AGAP1: variants seen among roughly 807,000 people sequenced by gnomAD.
AGAP1 encodes the protein ArfGAP with GTPase domain, ankyrin repeat and PH domain 1.
A neutral mutation model predicts 105.3 loss-of-function variants in AGAP1; 29 were observed. The observed-to-expected ratio is 0.28, with a 90% CI of 0.21 to 0.38. The LOEUF (loss-of-function observed/expected upper bound fraction) is 0.38. Ranked by LOEUF, AGAP1 falls within the 10% of genes least tolerant of loss-of-function variation. The pLI is 1.00. For missense variants in AGAP1, 998 were observed against 1,165.1 expected (o/e 0.86, Z 2.09); for synonymous variants, 509 against 485.9 (o/e 1.05, Z -0.63).
At position 235,739,989 on chromosome 2, in the gene AGAP1, G is replaced by A. The variant is rs1034762698; in HGVS notation, c.311-974G>A. 1.3e-5 allele frequency among the ~76,000 whole-genome samples: 2 copies of A among 152,224 alleles called. No individual in the cohort carries two copies. Among genetic ancestry groups the A allele is most frequent in the African/African-American group, 4.8e-5 (2 of 41,452 alleles). Reference sequence around the variant, plus strand: ...GTTTCTGGACGGCATCTGCACAGAGGAGCGGAAGACAAGAGCTGGGAACCG... The same window carrying A: ...GTTTCTGGACGGCATCTGCACAGAGAAGCGGAAGACAAGAGCTGGGAACCG... On this transcript the variant is annotated intron_variant, in intron 3 of 17. Transcript: ENST00000304032. The surrounding 1 kb of genome is among the most constrained non-coding windows in gnomAD (Gnocchi z 5.3).
chr2:235,821,340 G>A (rs929641390), intron 9 of AGAP1, among the ~76,000 whole-genome samples: 3 of 151,622 alleles, frequency 2.0e-5, no homozygotes, highest in South Asian at 4.2e-4. Context: ...GAATAGGAAC[G>A]CAGTAACAAG....
chr2:236,060,675 G>A (rs983001234), intron 16 of AGAP1, among the ~76,000 whole-genome samples: 11 of 151,906 alleles, frequency 7.2e-5, no homozygotes, highest in East Asian at 1.9e-4. Context: ...AGCCTGGGCC[G>A]CAGAGTGAGA....
chr2:236,055,548 C>T lies in AGAP1; in HGVS notation c.2114+6267C>T, dbSNP rs903081554. On this transcript the variant is annotated intron_variant, in intron 16 of 17. Coordinates refer to ENST00000304032, the MANE Select transcript of AGAP1 (RefSeq NM_001037131.3). This position sits in a 1 kb window ranked among gnomAD's most constrained non-coding sequence, Gnocchi z 6.2. Reference sequence around the variant, plus strand: ...TCAAAGTGAATTTCTGTCACCGCGGCGTGCTTGTCAGTGGGCCTGCCCTGG... The same window carrying T: ...TCAAAGTGAATTTCTGTCACCGCGGTGTGCTTGTCAGTGGGCCTGCCCTGG... Among the ~76,000 whole-genome samples the T allele has an allele frequency of 2.0e-5, 3 of 152,232 alleles. No homozygotes were observed. Among genetic ancestry groups the T allele is most frequent in the African/African-American group, 4.8e-5 (2 of 41,464 alleles).
rs1491426150 is a variant in AGAP1, at chr2:235,968,421, CAT to C, written c.1484-40_1484-39del. The stretch of plus-strand genomic sequence containing the variant: ...TTCTGCTTTGTAAGTGCTCACTCTG[CAT>C]TTTTTTTTTTTTTTTTGCCTTTTCC... On this transcript the variant is annotated intron_variant, in intron 12 of 17. Coordinates refer to ENST00000304032, the MANE Select transcript of AGAP1 (RefSeq NM_001037131.3). 72 of 1,345,226 alleles carry C rather than the reference CAT, an allele frequency of 5.4e-5. No individual in the cohort carries two copies. The African/African-American group carries it at 8.8e-4, about 16-fold the overall frequency. The allele number at this position is 1,345,226 out of a possible 1,614,324, so 83.3% of individuals were successfully genotyped here.
intron 1 of AGAP1, among the ~76,000 whole-genome samples, chr2:235,495,438 C>T (rs1435143297): frequency 1.3e-5 from 2 of 152,228 alleles, no homozygotes; most frequent in Non-Finnish European, 2.9e-5. Context: ...CGGTAGTGTG[C>T]TTTGTACCAA....
chr2:235,621,196 A>G lies in AGAP1; in HGVS notation c.164-87983A>G, dbSNP rs536214604. 1.3e-5 allele frequency among the ~76,000 whole-genome samples: 2 copies of G among 152,036 alleles called. No individual in the cohort carries two copies. Among genetic ancestry groups the G allele is most frequent in the East Asian group, 3.9e-4 (2 of 5,150 alleles). On this transcript the variant is annotated intron_variant, in intron 1 of 17. Transcript: ENST00000304032. The surrounding 1 kb of genome is among the most constrained non-coding windows in gnomAD (Gnocchi z 4.1). The stretch of plus-strand genomic sequence containing the variant: ...GCCACCACACCCGGCTATTTTTTGT[A>G]TTTTTAGTACAGATAGGGATTCACC...
intron 1 of AGAP1, among the ~76,000 whole-genome samples, chr2:235,617,885 T>A (rs1946358788): frequency 6.6e-6 from 1 of 152,188 alleles, no homozygotes; most frequent in Non-Finnish European, 1.5e-5. Flanking sequence ...TATGCATGCA[T>A]GCACTTTTGA....
Position 235,906,043 on chromosome 2 carries a change from C to G in AGAP1, c.1156-2695C>G, listed in dbSNP as rs2051289416. 6.6e-6 allele frequency among the ~76,000 whole-genome samples: 1 copy of G among 152,210 alleles called. No homozygotes were observed. On this transcript the variant is annotated intron_variant, in intron 10 of 17. Coordinates refer to ENST00000304032, the MANE Select transcript of AGAP1 (RefSeq NM_001037131.3). This position sits in a 1 kb window ranked among gnomAD's most constrained non-coding sequence, Gnocchi z 5.3. ...TTTGTTGTTCCCAGCCCAGATACCACCCTCCCGTTACCCGAACCCACCATG... is the reference window on the plus strand; with the variant it reads ...TTTGTTGTTCCCAGCCCAGATACCAGCCTCCCGTTACCCGAACCCACCATG...
chr2:236,099,714 G>A (rs373292593), intron 16 of AGAP1, among the ~76,000 whole-genome samples: 3 of 152,174 alleles, frequency 2.0e-5, no homozygotes, highest in South Asian at 4.2e-4. Context: ...TCCAGGATCA[G>A]CTAGAGAATT....
Position 236,096,687 on chromosome 2 carries a change from T to C in AGAP1, c.2115-23505T>C, listed in dbSNP as rs1198001691. Among the ~76,000 whole-genome samples, 1 of 151,920 alleles carries C rather than the reference T, an allele frequency of 6.6e-6. No homozygotes were observed. Among genetic ancestry groups the C allele is most frequent in the East Asian group, 2.0e-4 (1 of 5,104 alleles). On this transcript the variant is annotated intron_variant, in intron 16 of 17. Coordinates refer to ENST00000304032, the MANE Select transcript of AGAP1 (RefSeq NM_001037131.3). This position sits in a 1 kb window ranked among gnomAD's most constrained non-coding sequence, Gnocchi z 4.4. Reference sequence around the variant, plus strand: ...TCTGCCTCCCCGGTTCAAGTGATTCTTCTGCCTCGGCCTCCTGAGTAGCTG... The same window carrying C: ...TCTGCCTCCCCGGTTCAAGTGATTCCTCTGCCTCGGCCTCCTGAGTAGCTG...
intron 1 of AGAP1, among the ~76,000 whole-genome samples, chr2:235,568,131 G>A (rs1944405995): frequency 6.6e-6 from 1 of 152,244 alleles, no homozygotes; most frequent in South Asian, 2.1e-4. Flanking sequence ...AGGGACCCTG[G>A]ACAGCATCCT....
At position 236,046,144 on chromosome 2, in the gene AGAP1, G is replaced by C. The variant is rs909394919; in HGVS notation, c.1892-2915G>C. 1 of 412,728 alleles carries C rather than the reference G, an allele frequency of 2.4e-6. No individual in the cohort carries two copies. Among genetic ancestry groups the C allele is most frequent in the African/African-American group, 2.0e-5 (1 of 48,854 alleles). 25.6% of individuals were successfully genotyped at this position (412,728 alleles called of 1,614,324 possible). A position where few individuals can be genotyped will look rare whatever the true frequency, so the allele number is the denominator to read the frequency against. On this transcript the variant is annotated intron_variant, in intron 15 of 17. Coordinates refer to ENST00000304032, the MANE Select transcript of AGAP1 (RefSeq NM_001037131.3). This position sits in a 1 kb window ranked among gnomAD's most constrained non-coding sequence, Gnocchi z 5.2. ...GGTGGGCATAGGAACCAAATCGGAG[G>C]TTCTGGTAAGAGCTTAGGCAAGTGG...
rs899883471 is a variant in AGAP1, at chr2:235,622,597, G to A, written c.164-86582G>A. 2.6e-5 allele frequency among the ~76,000 whole-genome samples: 4 copies of A among 152,122 alleles called. No individual in the cohort carries two copies. Among genetic ancestry groups the A allele is most frequent in the Non-Finnish European group, 5.9e-5 (4 of 68,044 alleles). On this transcript the variant is annotated intron_variant, in intron 1 of 17. Coordinates refer to ENST00000304032, the MANE Select transcript of AGAP1 (RefSeq NM_001037131.3). This position sits in a 1 kb window ranked among gnomAD's most constrained non-coding sequence, Gnocchi z 5.0. ...GTGGACTCACTAAGTCAACTTTGACGCTTCAGCCAACGTCGGTTTTGAGAA... is the reference window on the plus strand; with the variant it reads ...GTGGACTCACTAAGTCAACTTTGACACTTCAGCCAACGTCGGTTTTGAGAA...
rs1361194905 is a variant in AGAP1 at position 235,904,530 on chromosome 2, T to C, written c.1156-4208T>C. ...CTTGGCTTTGAATTACCCTCACGCC[T>C]TGTTAAAGGGTTTTTCCTCTTTTAT... On this transcript the variant is annotated intron_variant, in intron 10 of 17. Transcript: ENST00000304032. The surrounding 1 kb of genome is among the most constrained non-coding windows in gnomAD (Gnocchi z 4.2). Among the ~76,000 whole-genome samples, 3 of 152,216 alleles carry C rather than the reference T, an allele frequency of 2.0e-5. No individual in the cohort carries two copies. Among genetic ancestry groups the C allele is most frequent in the Admixed American group, 2.0e-4 (3 of 15,280 alleles).
Position 236,092,206 on chromosome 2 carries a change from T to C in AGAP1, c.2115-27986T>C, listed in dbSNP as rs2059079525. On this transcript the variant is annotated intron_variant, in intron 16 of 17. Coordinates refer to ENST00000304032, the MANE Select transcript of AGAP1 (RefSeq NM_001037131.3). The surrounding 1 kb of genome is among the most constrained non-coding windows in gnomAD (Gnocchi z 4.7). ...GGAACGTACATGTGACCAAATTGCA[T>C]TGAACCAATTCCATGGACACATAAA... 6.6e-6 allele frequency among the ~76,000 whole-genome samples: 1 copy of C among 152,108 alleles called. No individual in the cohort carries two copies. Among genetic ancestry groups the C allele is most frequent in the Non-Finnish European group, 1.5e-5 (1 of 68,016 alleles).
Position 236,120,560 on chromosome 2 carries a change from G to A in AGAP1, c.2370+113G>A. On this transcript the variant is annotated intron_variant, in intron 17 of 17. Transcript: ENST00000304032. This position sits in a 1 kb window ranked among gnomAD's most constrained non-coding sequence, Gnocchi z 6.0. ...AGGCTGTTGTTCTCGATCTGCAAGT[G>A]GAAACAGTTCCTAATGGGAAACTCT... 1 of 1,523,250 alleles carries A rather than the reference G, an allele frequency of 6.6e-7. No homozygotes were observed. The allele number at this position is 1,523,250 out of a possible 1,614,324, so 94.4% of individuals were successfully genotyped here. A position where few individuals can be genotyped will look rare whatever the true frequency, so the allele number is the denominator to read the frequency against.
chr2:235,935,334 T>C (rs1387662287), intron 12 of AGAP1, among the ~76,000 whole-genome samples: 1 of 152,226 alleles, frequency 6.6e-6, no homozygotes, highest in Non-Finnish European at 1.5e-5. Context: ...AGCGTAATTT[T>C]TTAAATGCAG....
chr2:235,980,435 C>T (rs1481926019), intron 13 of AGAP1, among the ~76,000 whole-genome samples: 1 of 152,172 alleles, frequency 6.6e-6, no homozygotes, highest in Non-Finnish European at 1.5e-5. Flanking sequence ...AGCATCCGAA[C>T]TCCTAGTCAA....
chr2:235,879,349 G>A lies in AGAP1; in HGVS notation c.1051-3996G>A, dbSNP rs141789683. Among the ~76,000 whole-genome samples, 1 of 152,172 alleles carries A rather than the reference G, an allele frequency of 6.6e-6. No homozygotes were observed. Among genetic ancestry groups the A allele is most frequent in the Admixed American group, 6.5e-5 (1 of 15,280 alleles). ...CGGGGCAGCCAAGTGGCTCTTGGTC[G>A]CCACAGCAATTCTTGGGGGGGTCAG... On this transcript the variant is annotated intron_variant, in intron 9 of 17. Coordinates refer to ENST00000304032, the MANE Select transcript of AGAP1 (RefSeq NM_001037131.3). This position sits in a 1 kb window ranked among gnomAD's most constrained non-coding sequence, Gnocchi z 5.0.
Sources: gnomAD v4.1 joint callset for allele counts (sites outside exome capture counted in the v4.1 genomes callset) on GRCh38, gnomAD v4.1.1 for gene constraint, Gnocchi (gnomAD v3.1) non-coding constraint, MANE v1.5 for transcripts, NCBI Gene and HGNC (gene_info 2026-07-23, HGNC 2026-07-21) for gene names.